Variants in XBP1 observed in about 807,000 individuals in gnomAD.
The protein encoded by XBP1 is X-box-binding protein 1.
Under a neutral mutation model 34.6 loss-of-function variants are expected in XBP1, and 18 were observed. The ratio of observed to expected loss-of-function variants is 0.52; its 90% CI spans 0.36 to 0.77. The LOEUF (loss-of-function observed/expected upper bound fraction) is 0.77, where lower values mean the gene tolerates loss of function less well. Ranked by LOEUF, XBP1 falls within the 30% of genes least tolerant of loss-of-function variation. The probability of loss-of-function intolerance (pLI) is 0.00; values close to 1 mark genes in which losing one functional copy is unlikely to be tolerated. For synonymous variants in XBP1, 191 were observed against 193.4 expected, an observed-to-expected ratio of 0.99 and a Z score of 0.11; for missense variants, 422 against 464.6, an observed-to-expected ratio of 0.91 and a Z score of 0.84.
chr22:28,799,401 C>T (rs774529061), intron 1 of XBP1, among the ~76,000 whole-genome samples: 18 of 152,228 alleles, frequency 1.2e-4, no homozygotes, highest in Non-Finnish European at 2.6e-4. Flanking sequence ...TCATCCCCGT[C>T]ACAGCACTGG....
chr22:28,798,826 G>T, intron 2 of XBP1: 1 of 234,666 alleles, frequency 4.3e-6, no homozygotes, highest in Non-Finnish European at 7.8e-6. Context: ...TTACCATGTT[G>T]GCTAGGCTGG....
exon 6 of XBP1, chr22:28,795,181 A>T: frequency 6.6e-7 from 1 of 1,506,944 alleles, no homozygotes. Context: ...TTCCTTAGAC[A>T]CTAATCAGCT....
Position 28,796,071 on chromosome 22 carries a change from G to A in XBP1, c.549C>T (p.Gly183=), listed in dbSNP as rs139355676. 4.2e-5 allele frequency: 68 copies of A among 1,614,114 alleles called. No individual in the cohort carries two copies. Among genetic ancestry groups the A allele is most frequent in the South Asian group, 3.0e-4 (27 of 91,080 alleles). The change falls in exon 5 of 6, where the codon GGC becomes GGT. Residue 183 remains glycine (G), a synonymous_variant. Transcript: ENST00000344347. ...CCTCTGAATCTGAAGAGTCAATACCGCCAGAATCCATGGGGAGATGTTCTG... is the reference window on the plus strand; with the variant it reads ...CCTCTGAATCTGAAGAGTCAATACCACCAGAATCCATGGGGAGATGTTCTG...
At chr22:28,796,395 TGGA>T in intron 3 of XBP1, 3 of 439,288 alleles carry the variant, frequency 6.8e-6, no homozygotes, top group Non-Finnish European at 1.2e-5. Flanking sequence ...AATCTTTGCC[TGGA>T]GGAGGAAAAA....
At chr22:28,794,910 T>G (rs1279450890), downstream of XBP1, 1 of 318,934 alleles carries the variant, frequency 3.1e-6, no homozygotes, top group Non-Finnish European at 5.7e-6. Context: ...TACCACCCTT[T>G]TAAGATAAAA....
At chr22:28,796,682 T>C (rs2239815) in intron 3 of XBP1, 73,653 of 173,466 alleles carry the variant, frequency 0.42, 18,353 homozygotes, top group African/African-American at 0.69. Context: ...GTATCACTAT[T>C]ACAAAGAATC....
intron 3 of XBP1, 196 bp downstream of exon 3, chr22:28,796,881 G>A (rs2031761263): frequency 1.8e-6 from 1 of 555,658 alleles, no homozygotes; most frequent in South Asian, 2.5e-5. Context: ...TCTTAGTACT[G>A]TTCACTACAC....
At chr22:28,796,300 G>A (rs754275271) in intron 3 of XBP1, 108 bp from the exon 4 acceptor site, 392 of 1,082,134 alleles carry the variant, frequency 3.6e-4, no homozygotes, top group Non-Finnish European at 4.9e-4. Flanking sequence ...AAAGATTCTA[G>A]GGTTAAATTG....
rs567238977 is a variant in XBP1, at chr22:28,797,219, C to G, written c.325-14G>C. 67 of 1,610,084 alleles carry G rather than the reference C, an allele frequency of 4.2e-5. 1 individual carries two copies. The South Asian group carries it at 7.1e-4, about 17-fold the overall frequency. On this transcript the variant is annotated splice_polypyrimidine_tract_variant and intron_variant, in intron 2 of 5. Transcript: ENST00000344347. The stretch of plus-strand genomic sequence containing the variant: ...AAGTTTTTGGTTCTGGAAGAAAGTT[C>G]ATAAGAGGCTATTAAAACATCTAAT...
chr22:28,797,373 A>G (rs1328910543), intron 2 of XBP1, among the ~76,000 whole-genome samples, 168 bp from the exon 3 acceptor site: 1 of 152,236 alleles, frequency 6.6e-6, no homozygotes, highest in Non-Finnish European at 1.5e-5. Context: ...TGGAAAAGCA[A>G]GCTACTTAAT....
Position 28,799,157 on chromosome 22 carries a change from G to A in XBP1, c.228-4C>T. 1 of 1,611,442 alleles carries A rather than the reference G, an allele frequency of 6.2e-7. No homozygotes were observed. Among genetic ancestry groups the A allele is most frequent in the Admixed American group, 1.7e-5 (1 of 59,950 alleles). ...TGCTACTCTGTTTTTCAGTTTCCTA[G>A]GAAGAGAAGGAACATACCACACTGA... On this transcript the variant is annotated splice_region_variant and splice_polypyrimidine_tract_variant and intron_variant, in intron 1 of 5. Transcript: ENST00000344347.
intron 5 of XBP1, 120 bp downstream of exon 5, chr22:28,795,927 C>T: frequency 7.3e-7 from 1 of 1,375,978 alleles, no homozygotes; most frequent in Non-Finnish European, 1.0e-6. Flanking sequence ...AGTTGATGTT[C>T]ACCTCCAACC....
exon 6 of XBP1, chr22:28,795,588 C>T (rs200606332): frequency 1.2e-6 from 2 of 1,614,044 alleles, no homozygotes; most frequent in Admixed American, 1.7e-5. Context: ...GACGTCCCCA[C>T]TGACAGAGAA....
At chr22:28,797,651 G>C (rs542916977) in intron 2 of XBP1, among the ~76,000 whole-genome samples, 83 of 152,052 alleles carry the variant, frequency 5.5e-4, no homozygotes, top group African/African-American at 1.9e-3. Flanking sequence ...ATGTGGTGAG[G>C]GGTGCCTGTA....
chr22:28,795,017 T>C (rs1379455921), downstream of XBP1: 3 of 590,264 alleles, frequency 5.1e-6, no homozygotes, highest in Non-Finnish European at 8.1e-6. Context: ...CAAAAGACAA[T>C]ACCTGGGGGT....
rs776339861 is a variant in XBP1 at position 28,797,075 on chromosome 22, AC to A, written c.453+1del. 1 of 1,605,230 alleles carries A rather than the reference AC, an allele frequency of 6.2e-7. No individual in the cohort carries two copies. Among genetic ancestry groups the A allele is most frequent in the Non-Finnish European group, 8.5e-7 (1 of 1,177,956 alleles). ...AGGCACCAAATAAAGGAGATGATTT[AC>A]CTTGGCTTCCGCCTCCTCTTCAGCA... On this transcript the variant is annotated splice_donor_variant, in intron 3 of 5. Coordinates refer to ENST00000344347, the Ensembl canonical transcript of XBP1. LOFTEE classifies it high-confidence loss of function.
exon 5 of XBP1, chr22:28,796,120 C>G: frequency 1.2e-6 from 2 of 1,613,834 alleles, no homozygotes; most frequent in Non-Finnish European, 1.7e-6. Context: ...TGGGCCTGCA[C>G]CTGCTGCAGA....
At chr22:28,795,190 C>T in exon 6 of XBP1, 1 of 1,514,530 alleles carries the variant, frequency 6.6e-7, no homozygotes, top group Middle Eastern at 1.7e-4. Flanking sequence ...CACTAATCAG[C>T]TGGGGAAAGA....
exon 6 of XBP1, chr22:28,795,588 C>G: frequency 6.2e-7 from 1 of 1,614,162 alleles, no homozygotes; most frequent in Non-Finnish European, 8.5e-7. Context: ...GACGTCCCCA[C>G]TGACAGAGAA....
Sources: gnomAD v4.1 joint callset for allele counts (sites outside exome capture counted in the v4.1 genomes callset) on GRCh38, gnomAD v4.1.1 for gene constraint, MANE v1.5 for transcripts, NCBI Gene and HGNC (gene_info 2026-07-23, HGNC 2026-07-21) for gene names.